Variants in ADAM22 observed in about 807,000 individuals in gnomAD.
ADAM22 encodes ADAM metallopeptidase domain 22.
In ADAM22, 65 loss-of-function variants were observed where a neutral mutation model predicts 144.6. That is an observed-to-expected ratio of 0.45 (90% CI 0.37 to 0.55). ADAM22 has a LOEUF of 0.55. Among genes scored for constraint, ADAM22 ranks in the 20% least tolerant of loss-of-function variants. The pLI is 0.00. For synonymous variants in ADAM22, 391 were observed against 412.6 expected, an observed-to-expected ratio of 0.95 and a Z score of 0.63; for missense variants, 974 against 1,184.9, an observed-to-expected ratio of 0.82 and a Z score of 2.61.
chr7:88,139,575 A>G (rs138435799), intron 14 of ADAM22, among the ~76,000 whole-genome samples: 1 of 152,192 alleles, frequency 6.6e-6, no homozygotes, highest in East Asian at 1.9e-4. Flanking sequence ...TTGCAAGGAA[A>G]AAAGGAAGTA....
In ADAM22 at chr7:88,040,914, G is replaced by A. The variant is rs149554500; in HGVS notation, c.324-34712G>A. ...TAAGGTCCCTGTTTTCTTGCTAAGA[G>A]TTGGATCAAAACCTCTCTTAGCCCC... On this transcript the variant is annotated intron_variant, in intron 3 of 31. Coordinates refer to ENST00000413139, the MANE Select transcript of ADAM22 (RefSeq NM_001324418.2). Among the ~76,000 whole-genome samples the A allele has an allele frequency of 6.2e-4, 95 of 152,118 alleles. 1 individual carries two copies. The highest frequency in any genetic ancestry group is 2.2e-3 in the African/African-American group (93 of 41,548).
chr7:88,040,352 G>A (rs535483325), intron 3 of ADAM22, among the ~76,000 whole-genome samples: 238 of 151,874 alleles, frequency 1.6e-3, no homozygotes, highest in African/African-American at 5.5e-3. Context: ...GGCTGGTCTC[G>A]AACTCCTGAC....
intron 14 of ADAM22, among the ~76,000 whole-genome samples, chr7:88,138,543 C>T (rs535369519): frequency 3.3e-5 from 5 of 152,306 alleles, no homozygotes; most frequent in South Asian, 4.1e-4. Flanking sequence ...CCCATGGGTA[C>T]GTTCCCTACC....
intron 28 of ADAM22, 46 bp downstream of exon 28, chr7:88,181,651 T>C: frequency 6.6e-7 from 1 of 1,516,840 alleles, no homozygotes; most frequent in Non-Finnish European, 9.1e-7. Context: ...AATCAAGTTC[T>C]ATATTCTGTG....
At chr7:88,084,970 G>A (rs1222094749) in intron 4 of ADAM22, among the ~76,000 whole-genome samples, 1 of 152,120 alleles carries the variant, frequency 6.6e-6, no homozygotes, top group East Asian at 1.9e-4. Context: ...GTGTATATCT[G>A]CATCCTAATC....
intron 29 of ADAM22, among the ~76,000 whole-genome samples, chr7:88,183,613 C>T (rs1299195651): frequency 1.3e-5 from 2 of 151,706 alleles, no homozygotes; most frequent in Admixed American, 6.6e-5. Flanking sequence ...AGAAATCTTG[C>T]CTATGAGATA....
At chr7:88,113,684 TATTA>T (rs1826700709) in intron 5 of ADAM22, among the ~76,000 whole-genome samples, 1 of 90,124 alleles carries the variant, frequency 1.1e-5, no homozygotes, top group Admixed American at 1.5e-4. Context: ...ATAATATATA[TATTA>T]TAAATAAATA....
At chr7:87,978,257 G>T in intron 2 of ADAM22, 79 bp from the exon 3 acceptor site, 1 of 1,108,810 alleles carries the variant, frequency 9.0e-7, no homozygotes, top group South Asian at 1.4e-5. Context: ...TAAGTGTTTT[G>T]AAATAATCAT....
At chr7:88,104,371 A>T (rs1386999162) in intron 4 of ADAM22, among the ~76,000 whole-genome samples, 1 of 152,152 alleles carries the variant, frequency 6.6e-6, no homozygotes, top group African/African-American at 2.4e-5. Context: ...GGTACACAAA[A>T]TGTGTCAAAA....
intron 14 of ADAM22, among the ~76,000 whole-genome samples, chr7:88,140,438 G>A (rs980825824): frequency 3.9e-5 from 6 of 152,218 alleles, no homozygotes; most frequent in South Asian, 4.1e-4. Flanking sequence ...AACCAGATTG[G>A]TCTGATGCAG....
At chr7:88,000,792 G>C (rs1792364922) in intron 3 of ADAM22, among the ~76,000 whole-genome samples, 1 of 151,996 alleles carries the variant, frequency 6.6e-6, no homozygotes, top group African/African-American at 2.4e-5. Flanking sequence ...CTGAAGCTTA[G>C]GAAAATTCAT....
chr7:88,047,733 C>T (rs1366645671), intron 3 of ADAM22, among the ~76,000 whole-genome samples: 1 of 152,112 alleles, frequency 6.6e-6, no homozygotes, highest in Non-Finnish European at 1.5e-5. Flanking sequence ...CACTGAGATA[C>T]ATTCAAATTT....
chr7:87,957,513 C>T (rs910350726), intron 2 of ADAM22, among the ~76,000 whole-genome samples: 2 of 152,084 alleles, frequency 1.3e-5, no homozygotes, highest in African/African-American at 4.8e-5. Flanking sequence ...TCTGTTTTCC[C>T]CTTCCTTCTC....
intron 4 of ADAM22, among the ~76,000 whole-genome samples, chr7:88,077,176 A>G (rs534784723): frequency 2.0e-5 from 3 of 152,324 alleles, no homozygotes; most frequent in African/African-American, 7.2e-5. Context: ...ATGTACATTT[A>G]TTACATAGTA....
chr7:88,108,510 C>T (rs1488873579), intron 5 of ADAM22, among the ~76,000 whole-genome samples: 3 of 151,860 alleles, frequency 2.0e-5, no homozygotes, highest in Non-Finnish European at 4.4e-5. Flanking sequence ...AGGCAGATCA[C>T]CTGAGGTCAG....
intron 2 of ADAM22, among the ~76,000 whole-genome samples, chr7:87,946,966 A>G (rs983230421): frequency 1.3e-5 from 2 of 152,192 alleles, no homozygotes; most frequent in African/African-American, 4.8e-5. Context: ...AAAACCAAAT[A>G]CTGTATATTC....
chr7:88,105,018 A>G (rs1455488160), intron 4 of ADAM22, among the ~76,000 whole-genome samples: 1 of 152,146 alleles, frequency 6.6e-6, no homozygotes, highest in Non-Finnish European at 1.5e-5. Flanking sequence ...AACTCTCCCC[A>G]ATATAATGGA....
intron 14 of ADAM22, among the ~76,000 whole-genome samples, chr7:88,140,798 T>A (rs369670620): frequency 6.6e-6 from 1 of 152,024 alleles, no homozygotes; most frequent in East Asian, 1.9e-4. Context: ...ATCACACCAC[T>A]GCACTCCAGC....
At chr7:87,943,239 A>G (rs1370948985) in intron 2 of ADAM22, among the ~76,000 whole-genome samples, 1 of 151,256 alleles carries the variant, frequency 6.6e-6, no homozygotes, top group Non-Finnish European at 1.5e-5. Flanking sequence ...ATTATCTCTC[A>G]TTATGAGGTA....
Sources: allele counts gnomAD v4.1 joint callset (sites outside exome capture counted in the v4.1 genomes callset), GRCh38; gene constraint gnomAD v4.1.1; transcripts MANE v1.5; gene names NCBI Gene and HGNC (gene_info 2026-07-23, HGNC 2026-07-21).